TCF12: variants seen among roughly 807,000 people sequenced by gnomAD.
The protein encoded by TCF12 is DNA-binding protein HTF4.
TCF12 carries 45 observed loss-of-function variants against 86.0 expected under a neutral mutation model. The ratio of observed to expected loss-of-function variants is 0.52; its 90% CI spans 0.41 to 0.67. The LOEUF is 0.67. TCF12 is among the 30% of genes least tolerant of loss of function. The pLI, the probability that TCF12 is intolerant of heterozygous loss-of-function variation, is 0.00. For synonymous variants in TCF12, 330 were observed against 299.6 expected (o/e 1.10, Z -1.05); for missense variants, 881 against 859.9 (o/e 1.02, Z -0.31).
At chr15:57,248,164 T>C in intron 13 of TCF12, 2 of 697,098 alleles carry the variant, frequency 2.9e-6, no homozygotes, top group South Asian at 3.0e-5. Flanking sequence ...TAAACAGATT[T>C]CCCCTTACGT....
intron 6 of TCF12, among the ~76,000 whole-genome samples, chr15:57,189,488 C>G (rs2056867083): frequency 6.6e-6 from 1 of 152,130 alleles, no homozygotes; most frequent in Admixed American, 6.5e-5. Context: ...TGAAAAGATG[C>G]CCAATATCAT....
chr15:57,121,452 C>T (rs1043718028), intron 5 of TCF12, among the ~76,000 whole-genome samples: 15 of 152,080 alleles, frequency 9.9e-5, no homozygotes, highest in African/African-American at 3.1e-4. Flanking sequence ...GTGTAGTTGG[C>T]CTGTGGGAGG....
intron 5 of TCF12, among the ~76,000 whole-genome samples, chr15:57,126,395 A>G (rs182159352): frequency 1.3e-5 from 2 of 152,326 alleles, no homozygotes; most frequent in East Asian, 3.9e-4. Context: ...TACTTGCATT[A>G]TAAAACCAAA....
At chr15:57,141,024 A>G (rs963209884) in intron 5 of TCF12, among the ~76,000 whole-genome samples, 3 of 152,164 alleles carry the variant, frequency 2.0e-5, no homozygotes, top group African/African-American at 7.2e-5. Context: ...TGTTTTTTAA[A>G]AAAATCAGTC....
rs2049013157 is a variant in TCF12, at chr15:57,091,860, C to G, written c.294C>G (p.Ser98=). The change falls in exon 5 of 21, where the codon TCC becomes TCG. Residue 98 remains serine, a synonymous_variant. Coordinates refer to ENST00000333725, the MANE Select transcript of TCF12 (RefSeq NM_207037.2). The stretch of plus-strand genomic sequence containing the variant: ...GATTAGGAGCCCATGAAGGCTTGTC[C>G]CCAACACCTTTCATGAACTCAAATC... ...DSRLGAHEGL[S]PTPFMNSNLM... is the part of the protein sequence containing the mutation. The G allele has an allele frequency of 3.7e-6, 6 of 1,613,718 alleles. No homozygotes were observed. The East Asian group carries it at 6.7e-5, about 18-fold the overall frequency.
intron 8 of TCF12, among the ~76,000 whole-genome samples, chr15:57,216,157 A>G (rs1336798086): frequency 6.6e-6 from 1 of 152,176 alleles, no homozygotes; most frequent in Non-Finnish European, 1.5e-5. Context: ...AGGAAAAGCC[A>G]TATTTGAAAA....
chr15:57,084,605 A>G (rs1370801526), intron 4 of TCF12, among the ~76,000 whole-genome samples: 1 of 152,218 alleles, frequency 6.6e-6, no homozygotes, highest in East Asian at 1.9e-4. Flanking sequence ...GAATTTGCCA[A>G]TAAGTCAGTT....
intron 4 of TCF12, chr15:57,072,599 A>C (rs1714144446): frequency 8.4e-7 from 1 of 1,188,608 alleles, no homozygotes; most frequent in African/African-American, 1.6e-5. Flanking sequence ...CAAATACAGT[A>C]ATTAGAAAGG....
rs745657203 is a variant in TCF12 at position 57,250,589 on chromosome 15, C to T, written c.1115-761C>T. On this transcript the variant is annotated intron_variant, in intron 13 of 20. Coordinates refer to ENST00000333725, the MANE Select transcript of TCF12 (RefSeq NM_207037.2). ...ACTGCAAATACAAAAATTAGCTTGG[C>T]GTGGTGGTGTGTGCCTGTAATCCCA... Among the ~76,000 whole-genome samples, 283 of 152,070 alleles carry T rather than the reference C, an allele frequency of 1.9e-3. 1 individual carries two copies. Among genetic ancestry groups the T allele is most frequent in the Non-Finnish European group, 2.7e-3 (186 of 67,980 alleles).
intron 4 of TCF12, among the ~76,000 whole-genome samples, chr15:57,088,496 G>GT (rs5812864): frequency 5.0e-4 from 74 of 146,760 alleles, no homozygotes; most frequent in Admixed American, 7.4e-4. Context: ...AATTGCTTTA[G>GT]TTTTTTTTTT....
At chr15:57,048,732 T>C (rs1339634068) in intron 3 of TCF12, among the ~76,000 whole-genome samples, 2 of 152,156 alleles carry the variant, frequency 1.3e-5, no homozygotes, top group African/African-American at 4.8e-5. Flanking sequence ...GATTTCTGTA[T>C]GTACCCATTA....
chr15:56,938,418 C>T (rs1358977814), intron 3 of TCF12, among the ~76,000 whole-genome samples: 1 of 152,038 alleles, frequency 6.6e-6, no homozygotes, highest in Non-Finnish European at 1.5e-5. Flanking sequence ...CTCAGCCTCC[C>T]AAAGTGTTGG....
chr15:57,076,507 G>T (rs1390783791), intron 4 of TCF12, among the ~76,000 whole-genome samples: 10 of 151,986 alleles, frequency 6.6e-5, no homozygotes, highest in Non-Finnish European at 1.2e-4. Flanking sequence ...ACAAAAATTT[G>T]CTGGGCGTGG....
intron 5 of TCF12, among the ~76,000 whole-genome samples, chr15:57,142,600 T>C (rs770886218): frequency 5.9e-5 from 9 of 152,238 alleles, no homozygotes; most frequent in Non-Finnish European, 1.0e-4. Context: ...ATATAAATTA[T>C]GCTGATAAAT....
At chr15:57,120,485 A>G (rs1250045410) in intron 5 of TCF12, among the ~76,000 whole-genome samples, 1 of 152,214 alleles carries the variant, frequency 6.6e-6, no homozygotes, top group East Asian at 1.9e-4. Context: ...GATCCCTGCC[A>G]TTGATGAGCT....
At chr15:57,237,651 T>G (rs1214493323) in intron 12 of TCF12, among the ~76,000 whole-genome samples, 2 of 152,226 alleles carry the variant, frequency 1.3e-5, no homozygotes, top group Admixed American at 1.3e-4. Flanking sequence ...CCCCATTTTT[T>G]TAAGTAACTG....
chr15:56,964,490 A>G (rs1197274355), intron 3 of TCF12, among the ~76,000 whole-genome samples: 1 of 152,058 alleles, frequency 6.6e-6, no homozygotes, highest in African/African-American at 2.4e-5. Flanking sequence ...CTTCCCAGCC[A>G]TTGCTCAAGA....
At chr15:56,993,297 TA>T (rs1287644839) in intron 3 of TCF12, among the ~76,000 whole-genome samples, 3 of 152,170 alleles carry the variant, frequency 2.0e-5, no homozygotes, top group Non-Finnish European at 4.4e-5. Flanking sequence ...AACCGTGTGG[TA>T]ATGGCAGCAG....
At chr15:57,099,352 C>G (rs2049563342) in intron 5 of TCF12, among the ~76,000 whole-genome samples, 1 of 152,034 alleles carries the variant, frequency 6.6e-6, no homozygotes, top group African/African-American at 2.4e-5. Flanking sequence ...TGTATGGACT[C>G]AGATCCCTCT....
Sources: allele counts gnomAD v4.1 joint callset (sites outside exome capture counted in the v4.1 genomes callset), GRCh38; gene constraint gnomAD v4.1.1; transcripts MANE v1.5; gene names NCBI Gene and HGNC (gene_info 2026-07-23, HGNC 2026-07-21).